The following ANPEP variants were observed in gnomAD, a reference collection of about 807,000 sequenced individuals.
The protein encoded by ANPEP is aminopeptidase N.
ANPEP carries 70 observed loss-of-function variants against 114.6 expected under a neutral mutation model. The observed-to-expected ratio is 0.61, with a 90% confidence interval of 0.50 to 0.75. The LOEUF is 0.75. Ranked by LOEUF, ANPEP falls within the 30% of genes least tolerant of loss-of-function variation. The pLI, the probability that ANPEP is intolerant of heterozygous loss-of-function variation, is 0.00. For missense variants in ANPEP, 1,184 were observed against 1,259.5 expected (o/e 0.94, Z 0.91); for synonymous variants, 548 against 522.3 (o/e 1.05, Z -0.67).
At chr15:89,813,571 T>A (rs1894852864) in intron 1 of ANPEP, among the ~76,000 whole-genome samples, 1 of 152,084 alleles carries the variant, frequency 6.6e-6, no homozygotes, top group Non-Finnish European at 1.5e-5. Context: ...GAGGGCCTCA[T>A]GGGCCCAGCA....
At chr15:89,796,553 T>C (rs1191447201) in intron 15 of ANPEP, among the ~76,000 whole-genome samples, 2 of 152,100 alleles carry the variant, frequency 1.3e-5, no homozygotes, top group African/African-American at 4.8e-5. Flanking sequence ...AGTAGCACCA[T>C]CTTGGCTCAC....
chr15:89,802,897 G>A (rs1894624951), intron 10 of ANPEP, among the ~76,000 whole-genome samples: 1 of 152,078 alleles, frequency 6.6e-6, no homozygotes, highest in South Asian at 2.1e-4. Flanking sequence ...CAGGAGTGGG[G>A]AGAAGGTTGA....
At position 89,804,402 on chromosome 15, in the gene ANPEP, T is replaced by C. The variant is rs201835756; in HGVS notation, c.1030A>G (p.Ile344Val). The change falls in exon 6 of 21, where the codon ATT becomes GTT. Residue 344 changes from isoleucine to valine, a missense_variant. Transcript: ENST00000300060. ...CCGGCGTTGAAGTCTGGCAGGCCAA[T>C]CTGGTCTGGGGAGGCGATGCCATTG... Reference protein sequence around the residue: ...TPYPLPKSDQIGLPDFNAGAM... With the variant: ...TPYPLPKSDQVGLPDFNAGAM... The C allele has an allele frequency of 1.4e-4, 220 of 1,614,214 alleles. No homozygotes were observed. In the East Asian group the frequency reaches 2.1e-3, roughly 16 times the overall value.
At chr15:89,813,606 T>C in intron 1 of ANPEP, among the ~76,000 whole-genome samples, 1 of 150,164 alleles carries the variant, frequency 6.7e-6, no homozygotes, top group East Asian at 2.0e-4. Context: ...GAGAGGGGAG[T>C]CCACCCTCTT....
Position 89,793,077 on chromosome 15 carries a change from T to C in ANPEP, c.2207A>G (p.Asn736Ser). 1 of 1,614,186 alleles carries C rather than the reference T, an allele frequency of 6.2e-7. No homozygotes were observed. Among genetic ancestry groups the C allele is most frequent in the South Asian group, 1.1e-5 (1 of 91,084 alleles). ...VTPLFIHFRN[N>S]TNNWREIPEN... ...TGGGATCTCCCTCCAGTTGTTGGTATTATTTCTGAAGTGAATGAAGAGGGG... is the reference window on the plus strand; with the variant it reads ...TGGGATCTCCCTCCAGTTGTTGGTACTATTTCTGAAGTGAATGAAGAGGGG... Residue 736 changes from asparagine to serine, a missense_variant, in exon 16 of 21, where the codon AAT becomes AGT. By Grantham distance (46) the Asn-to-Ser change is conservative (BLOSUM62 1). Transcript: ENST00000300060.
chr15:89,810,564 A>T (rs1445196633), intron 1 of ANPEP, among the ~76,000 whole-genome samples: 1 of 151,150 alleles, frequency 6.6e-6, no homozygotes, highest in Non-Finnish European at 1.5e-5. Context: ...ACAGAACGAG[A>T]CTCTGTTTCA....
At chr15:89,804,231 A>T in intron 6 of ANPEP, 22 bp downstream of exon 6, 1 of 1,612,658 alleles carries the variant, frequency 6.2e-7, no homozygotes, top group African/African-American at 1.3e-5. Context: ...CCTTCTCCGC[A>T]CTCCCCGAGA....
intron 1 of ANPEP, among the ~76,000 whole-genome samples, chr15:89,810,291 A>T (rs1894794241): frequency 6.6e-6 from 1 of 152,200 alleles, no homozygotes; most frequent in Non-Finnish European, 1.5e-5. Context: ...AGGCAGGAGA[A>T]TCGCTTGAAC....
At chr15:89,804,811 G>C (rs1391913155) in intron 4 of ANPEP, 194 bp from the exon 5 acceptor site, 1 of 865,930 alleles carries the variant, frequency 1.2e-6, no homozygotes, top group African/African-American at 1.7e-5. Context: ...CTAGAGAAGG[G>C]CCTTTGGAGA....
intron 19 of ANPEP, 146 bp from the exon 20 acceptor site, chr15:89,790,687 G>A: frequency 1.2e-6 from 1 of 805,172 alleles, no homozygotes; most frequent in Non-Finnish European, 2.0e-6. Context: ...GGGAGTCACA[G>A]CTTGAACACA....
Position 89,801,922 on chromosome 15 carries a change from G to T in ANPEP, c.1570-315C>A, listed in dbSNP as rs74616151. On this transcript the variant is annotated intron_variant, in intron 10 of 20. Coordinates refer to ENST00000300060, the MANE Select transcript of ANPEP (RefSeq NM_001150.3). ...CTCTTCCTGAACAACACTGGGAGGA[G>T]GACAAGAAAGAGGAGACAGAGATGA... is the stretch of plus-strand genomic sequence containing the variant. Among the ~76,000 whole-genome samples, 539 of 152,292 alleles carry T rather than the reference G, an allele frequency of 3.5e-3. 4 individuals carry two copies. Among genetic ancestry groups the T allele is most frequent in the African/African-American group, 0.012 (505 of 41,542 alleles).
chr15:89,805,266 C>T (rs754249765), intron 3 of ANPEP, 49 bp from the exon 4 acceptor site: 23 of 1,612,996 alleles, frequency 1.4e-5, no homozygotes, highest in Non-Finnish European at 1.8e-5. Flanking sequence ...TGCCCCACAC[C>T]CCAGCCCAGG....
intron 1 of ANPEP, among the ~76,000 whole-genome samples, chr15:89,814,387 C>G (rs73478036): frequency 0.18 from 27,731 of 152,036 alleles, 2,729 homozygotes; most frequent in Middle Eastern, 0.33. Flanking sequence ...GCGCCCCACC[C>G]ACCAGGGACA....
chr15:89,789,538 C>T (rs1486956990), intron 20 of ANPEP, among the ~76,000 whole-genome samples: 4 of 151,596 alleles, frequency 2.6e-5, no homozygotes, highest in African/African-American at 7.3e-5. Context: ...TTTGGGAGAC[C>T]GAGGTGGGTG....
chr15:89,789,745 C>A (rs1968579879), intron 20 of ANPEP, among the ~76,000 whole-genome samples: 1 of 142,952 alleles, frequency 7.0e-6, no homozygotes, highest in Admixed American at 7.2e-5. Flanking sequence ...TGCACCACTC[C>A]AGCCTGCATG....
At chr15:89,798,314 C>G (rs1422872726) in intron 14 of ANPEP, among the ~76,000 whole-genome samples, 1 of 152,190 alleles carries the variant, frequency 6.6e-6, no homozygotes, top group East Asian at 1.9e-4. Context: ...GCACTTAGAA[C>G]AGTGGCCCAG....
Position 89,793,143 on chromosome 15 carries a change from A to G in ANPEP, c.2158-17T>C. 6.2e-7 allele frequency: 1 copy of G among 1,603,022 alleles called. No homozygotes were observed. Among genetic ancestry groups the G allele is most frequent in the Middle Eastern group, 1.7e-4 (1 of 6,036 alleles). ...CAGGTAGTTCTGGGGAAAAGAAAAT[A>G]TGAATCTCATCAAAGACTCATGCCT... On this transcript the variant is annotated splice_polypyrimidine_tract_variant and intron_variant, in intron 15 of 20. Coordinates refer to ENST00000300060, the MANE Select transcript of ANPEP (RefSeq NM_001150.3).
Position 89,799,826 on chromosome 15 carries a change from C to T in ANPEP, c.1820-267G>A, listed in dbSNP as rs891884177. On this transcript the variant is annotated intron_variant, in intron 12 of 20. Coordinates refer to ENST00000300060, the MANE Select transcript of ANPEP (RefSeq NM_001150.3). The surrounding 1 kb of genome is among the most constrained non-coding windows in gnomAD (Gnocchi z 4.2). ...TGCACGGCCAGGCCAGCTGCCAGGC[C>T]GCTCACACTCAGCAATCCAGGCTGT... Among the ~76,000 whole-genome samples, 5 of 152,146 alleles carry T rather than the reference C, an allele frequency of 3.3e-5. No individual in the cohort carries two copies. The highest frequency in any genetic ancestry group is 7.2e-5 in the African/African-American group (3 of 41,422).
At chr15:89,810,560 C>G (rs543232318) in intron 1 of ANPEP, among the ~76,000 whole-genome samples, 1 of 150,264 alleles carries the variant, frequency 6.7e-6, no homozygotes, top group African/African-American at 2.5e-5. Context: ...GACAACAGAA[C>G]GAGACTCTGT....
Sources: allele counts gnomAD v4.1 joint callset (sites outside exome capture counted in the v4.1 genomes callset), GRCh38; gene constraint gnomAD v4.1.1; non-coding constraint Gnocchi (gnomAD v3.1); transcripts MANE v1.5; gene names NCBI Gene and HGNC (gene_info 2026-07-23, HGNC 2026-07-21).